Variants in FBXW4 observed in about 807,000 individuals in gnomAD.
FBXW4 encodes F-box/WD repeat-containing protein 4.
FBXW4 carries 40 observed loss-of-function variants against 61.8 expected under a neutral mutation model. That is an observed-to-expected ratio of 0.65 (90% confidence interval 0.50 to 0.84). FBXW4 has a LOEUF of 0.84. Among genes scored for constraint, FBXW4 ranks in the 40% least tolerant of loss-of-function variants. FBXW4 has a pLI of 0.00. For missense variants in FBXW4, 672 were observed against 753.8 expected, an observed-to-expected ratio of 0.89 and a Z score of 1.27; for synonymous variants, 311 against 313.8, an observed-to-expected ratio of 0.99 and a Z score of 0.10.
At chr10:101,692,086 A>AT (rs900358097) in intron 1 of FBXW4, among the ~76,000 whole-genome samples, 20 of 148,938 alleles carry the variant, frequency 1.3e-4, no homozygotes, top group East Asian at 1.9e-4. Context: ...AAAGTACAGA[A>AT]TTTTTTTTTT....
intron 5 of FBXW4, among the ~76,000 whole-genome samples, chr10:101,645,970 G>A (rs2064092372): frequency 6.6e-6 from 1 of 152,174 alleles, no homozygotes; most frequent in Non-Finnish European, 1.5e-5. Context: ...AACTGAGGAT[G>A]ATGATGGTAC....
At chr10:101,672,248 G>C (rs1003072703) in intron 4 of FBXW4, among the ~76,000 whole-genome samples, 3 of 152,240 alleles carry the variant, frequency 2.0e-5, no homozygotes, top group African/African-American at 4.8e-5. Flanking sequence ...GCCCTGGCTA[G>C]GGCTGTTGGG....
chr10:101,642,026 A>T (rs1326209405), intron 5 of FBXW4, among the ~76,000 whole-genome samples: 2 of 152,048 alleles, frequency 1.3e-5, no homozygotes, highest in East Asian at 3.9e-4. Flanking sequence ...ATTAGCCATA[A>T]GTGGTGGCAC....
At chr10:101,666,090 A>G (rs1243719548) in intron 5 of FBXW4, among the ~76,000 whole-genome samples, 1 of 152,222 alleles carries the variant, frequency 6.6e-6, no homozygotes, top group African/African-American at 2.4e-5. Flanking sequence ...GGCTTTTAAA[A>G]GGGCAGCATT....
At chr10:101,621,398 C>T (rs984624630) in intron 6 of FBXW4, among the ~76,000 whole-genome samples, 9 of 152,066 alleles carry the variant, frequency 5.9e-5, no homozygotes, top group Non-Finnish European at 1.3e-4. Context: ...CATGGTGGGG[C>T]ATGTCTATAG....
intron 1 of FBXW4, among the ~76,000 whole-genome samples, chr10:101,681,561 C>T (rs905001901): frequency 4.7e-5 from 7 of 148,696 alleles, no homozygotes; most frequent in African/African-American, 1.7e-4. Context: ...ACTAAAAATA[C>T]AAAAAATTAG....
At position 101,611,314 on chromosome 10, in the gene FBXW4, C is replaced by G. The variant is rs750201843; in HGVS notation, c.1681G>C (p.Val561Leu). 6.2e-7 allele frequency: 1 copy of G among 1,613,828 alleles called. No individual in the cohort carries two copies. Among genetic ancestry groups the G allele is most frequent in the Non-Finnish European group, 8.5e-7 (1 of 1,179,982 alleles). ...GGTCATGGGTTTTGAAAATCCAGGA[C>G]GTGGAGGTTGTAAGACAGGGCAGCA... ...LYAALSYNLH[V>L]LDFQNP is the part of the protein sequence containing the mutation. The change falls in exon 9 of 9, where the codon GTC becomes CTC. Residue 561 changes from valine (V) to leucine (L), a missense_variant. Around this residue, in one of 5 missense-constraint regions of FBXW4, gnomAD observed 312 missense variants for 370.1 expected, o/e 0.84. Coordinates refer to ENST00000331272, the MANE Select transcript of FBXW4 (RefSeq NM_022039.4). The surrounding 1 kb of genome is among the most constrained non-coding windows in gnomAD (Gnocchi z 4.9).
intron 5 of FBXW4, among the ~76,000 whole-genome samples, chr10:101,647,055 A>G (rs2064106538): frequency 6.6e-6 from 1 of 152,154 alleles, no homozygotes; most frequent in Non-Finnish European, 1.5e-5. Flanking sequence ...AAGTTCCCCA[A>G]GTCTTCACAC....
intron 5 of FBXW4, among the ~76,000 whole-genome samples, chr10:101,634,121 A>C (rs1183207500): frequency 6.6e-6 from 1 of 151,882 alleles, no homozygotes; most frequent in Non-Finnish European, 1.5e-5. Context: ...TCAAAAAATA[A>C]ATAAATAAAA....
At position 101,660,079 on chromosome 10, in the gene FBXW4, G is replaced by A. The variant is rs985162350; in HGVS notation, c.1235+7807C>T. 3 of 985,438 alleles carry A rather than the reference G, an allele frequency of 3.0e-6. No homozygotes were observed. The African/African-American group carries it at 5.2e-5, about 17-fold the overall frequency. 61.0% of individuals were successfully genotyped at this position (985,438 alleles called of 1,614,324 possible). A position where few individuals can be genotyped will look rare whatever the true frequency, so the allele number is the denominator to read the frequency against. On this transcript the variant is annotated intron_variant, in intron 5 of 8. Coordinates refer to ENST00000331272, the MANE Select transcript of FBXW4 (RefSeq NM_022039.4). The stretch of plus-strand genomic sequence containing the variant: ...TACCTGCCCCATGGCCCAAAGGAAG[G>A]AAGGGCGGGAGGGGTCGGAGTCAGA...
At chr10:101,617,385 T>A (rs2063833927) in intron 6 of FBXW4, among the ~76,000 whole-genome samples, 1 of 152,142 alleles carries the variant, frequency 6.6e-6, no homozygotes, top group Non-Finnish European at 1.5e-5. Flanking sequence ...CCTTTCCAGC[T>A]CTTTGCAGGC....
chr10:101,630,262 A>G (rs1410456804), intron 5 of FBXW4, among the ~76,000 whole-genome samples: 1 of 152,212 alleles, frequency 6.6e-6, no homozygotes, highest in Non-Finnish European at 1.5e-5. Flanking sequence ...CCAATTAGTC[A>G]GGCTCCAGTG....
rs770518721 is a variant in FBXW4, at chr10:101,611,747, C to T, written c.1465G>A (p.Glu489Lys). 167 of 1,613,846 alleles carry T rather than the reference C, an allele frequency of 1.0e-4. No individual in the cohort carries two copies. Among genetic ancestry groups the T allele is most frequent in the Non-Finnish European group, 1.3e-4 (155 of 1,179,952 alleles). ...SVRKCVMEWE[E>K]PHDSTLYCLQ... is the part of the protein sequence containing the mutation. ...CAGTACAGGGTGCTGTCGTGGGGCT[C>T]CTCCCACTCCATGACACATTTCCTG... Residue 489 changes from glutamate to lysine, a missense_variant, in exon 8 of 9, where the codon GAG becomes AAG. Glu to Lys is a moderately conservative substitution (Grantham distance 56, BLOSUM62 1). Around this residue, in one of 5 missense-constraint regions of FBXW4, gnomAD observed 312 missense variants for 370.1 expected, o/e 0.84. Coordinates refer to ENST00000331272, the MANE Select transcript of FBXW4 (RefSeq NM_022039.4). The surrounding 1 kb of genome is among the most constrained non-coding windows in gnomAD (Gnocchi z 4.9).
At chr10:101,636,907 G>C (rs974080874) in intron 5 of FBXW4, among the ~76,000 whole-genome samples, 1 of 151,888 alleles carries the variant, frequency 6.6e-6, no homozygotes, top group Non-Finnish European at 1.5e-5. Context: ...CATTTAAAAA[G>C]TATCACTATC....
Position 101,611,316 on chromosome 10 carries a change from T to C in FBXW4, c.1679A>G (p.His560Arg), listed in dbSNP as rs1278542985. Residue 560 changes from histidine (H) to arginine (R), a missense_variant, in exon 9 of 9, where the codon CAC (histidine) becomes CGC (arginine). This residue lies in a region of FBXW4 where 312 missense variants were observed against 370.1 expected (regional missense o/e 0.84). Coordinates refer to ENST00000331272, the MANE Select transcript of FBXW4 (RefSeq NM_022039.4). The surrounding 1 kb of genome is among the most constrained non-coding windows in gnomAD (Gnocchi z 4.9). ...TCATGGGTTTTGAAAATCCAGGACG[T>C]GGAGGTTGTAAGACAGGGCAGCATA... ...HLYAALSYNL[H>R]VLDFQNP 1 of 1,613,800 alleles carries C rather than the reference T, an allele frequency of 6.2e-7. No individual in the cohort carries two copies. Among genetic ancestry groups the C allele is most frequent in the East Asian group, 2.2e-5 (1 of 44,886 alleles).
chr10:101,640,752 G>A (rs2064044914), intron 5 of FBXW4, among the ~76,000 whole-genome samples: 1 of 150,938 alleles, frequency 6.6e-6, no homozygotes, highest in Non-Finnish European at 1.5e-5. Context: ...CTGGCCTCAA[G>A]TGATCCACCT....
chr10:101,689,665 A>C (rs1447706085), intron 1 of FBXW4, among the ~76,000 whole-genome samples: 1 of 152,254 alleles, frequency 6.6e-6, no homozygotes, highest in East Asian at 1.9e-4. Flanking sequence ...AAATGTAACC[A>C]GTTAGCAATA....
At chr10:101,661,440 G>A (rs1399237618) in intron 5 of FBXW4, among the ~76,000 whole-genome samples, 1 of 152,190 alleles carries the variant, frequency 6.6e-6, no homozygotes, top group East Asian at 1.9e-4. Context: ...ATATGCATGG[G>A]CAATGAACTC....
At chr10:101,668,888 C>G (rs2064332499) in intron 4 of FBXW4, among the ~76,000 whole-genome samples, 1 of 152,162 alleles carries the variant, frequency 6.6e-6, no homozygotes, top group Admixed American at 6.5e-5. Context: ...AAGACAGCAG[C>G]AACAGAGGGA....
Sources: gnomAD v4.1 joint callset for allele counts (sites outside exome capture counted in the v4.1 genomes callset) on GRCh38, gnomAD v4.1.1 for gene constraint, gnomAD v4.1.1 regional missense constraint, Gnocchi (gnomAD v3.1) non-coding constraint, MANE v1.5 for transcripts, NCBI Gene and HGNC (gene_info 2026-07-23, HGNC 2026-07-21) for gene names.